EPS15: variants seen among roughly 807,000 people sequenced by gnomAD.
EPS15 encodes the protein epidermal growth factor receptor substrate 15.
EPS15 carries 72 observed loss-of-function variants against 113.8 expected under a neutral mutation model. The observed-to-expected ratio is 0.63, with a 90% CI of 0.52 to 0.77. EPS15 has a LOEUF of 0.77. Ranked by LOEUF, EPS15 falls within the 30% of genes least tolerant of loss-of-function variation. The probability of loss-of-function intolerance (pLI) is 0.00; values close to 1 mark genes in which losing one functional copy is unlikely to be tolerated. For missense variants in EPS15, 1,048 were observed against 1,045.8 expected (o/e 1.00, Z -0.03); for synonymous variants, 344 against 363.4 (o/e 0.95, Z 0.61).
intron 1 of EPS15, among the ~76,000 whole-genome samples, chr1:51,505,043 C>T (rs971967305): frequency 6.6e-5 from 10 of 151,776 alleles, no homozygotes; most frequent in African/African-American, 2.2e-4. Flanking sequence ...ATCGCTTAAC[C>T]GAGGAGGCAG....
chr1:51,508,053 G>A (rs1293223238), intron 1 of EPS15, among the ~76,000 whole-genome samples: 1 of 151,632 alleles, frequency 6.6e-6, no homozygotes, highest in African/African-American at 2.4e-5. Context: ...ATGGTGGTGT[G>A]CACCTGTAGT....
At chr1:51,479,046 G>C (rs1312678114) in intron 2 of EPS15, among the ~76,000 whole-genome samples, 1 of 152,204 alleles carries the variant, frequency 6.6e-6, no homozygotes, top group African/African-American at 2.4e-5. Context: ...ATATCCTGAA[G>C]AGTGTTTTCC....
intron 1 of EPS15, among the ~76,000 whole-genome samples, chr1:51,512,018 T>C (rs1272825629): frequency 6.6e-6 from 1 of 152,242 alleles, no homozygotes; most frequent in Non-Finnish European, 1.5e-5. Flanking sequence ...ATTGCACCTC[T>C]GATTCATTTG....
At chr1:51,411,327 TGA>T (rs1331412370) in intron 13 of EPS15, among the ~76,000 whole-genome samples, 2 of 152,092 alleles carry the variant, frequency 1.3e-5, no homozygotes, top group African/African-American at 4.8e-5. Context: ...CAATGATACT[TGA>T]GGAATTCGGA....
At chr1:51,431,676 C>A (rs2148463481) in intron 12 of EPS15, among the ~76,000 whole-genome samples, 1 of 152,084 alleles carries the variant, frequency 6.6e-6, no homozygotes, top group East Asian at 1.9e-4. Context: ...AAACTCCTGA[C>A]CCTCAGGTGA....
At chr1:51,412,823 C>CTGTT (rs1361653019) in intron 13 of EPS15, among the ~76,000 whole-genome samples, 1 of 152,336 alleles carries the variant, frequency 6.6e-6, no homozygotes, top group Admixed American at 6.5e-5. Context: ...TCTCTTTAAG[C>CTGTT]TGTTTACCAA....
intron 11 of EPS15, among the ~76,000 whole-genome samples, chr1:51,441,165 T>C (rs1224898716): frequency 6.6e-6 from 1 of 152,100 alleles, no homozygotes; most frequent in Non-Finnish European, 1.5e-5. Context: ...AGGGAAATAA[T>C]CTCTGCCTTG....
intron 1 of EPS15, among the ~76,000 whole-genome samples, chr1:51,487,481 C>T (rs1334205042): frequency 3.3e-5 from 5 of 152,036 alleles, no homozygotes; most frequent in Admixed American, 2.0e-4. Context: ...ATTTGTAGTA[C>T]CCCCTTTCAT....
At chr1:51,469,382 C>T (rs181093036) in intron 4 of EPS15, among the ~76,000 whole-genome samples, 90 of 152,122 alleles carry the variant, frequency 5.9e-4, no homozygotes, top group African/African-American at 2.0e-3. Flanking sequence ...AATTATGTAA[C>T]GGTTTAACTT....
intron 1 of EPS15, among the ~76,000 whole-genome samples, chr1:51,481,641 T>C (rs1041500267): frequency 1.3e-5 from 2 of 152,234 alleles, no homozygotes; most frequent in Admixed American, 6.5e-5. Flanking sequence ...CTAAAGCCAG[T>C]TGAGAGGCCC....
At position 51,461,124 on chromosome 1, in the gene EPS15, A is replaced by G. The variant is rs778404581; in HGVS notation, c.528T>C (p.His176=). ...ACTCATCTCTGTCAAGCATTCCATCATGGTCAATATCACTCAACTCCCAAA... is the reference window on the plus strand; with the variant it reads ...ACTCATCTCTGTCAAGCATTCCATCGTGGTCAATATCACTCAACTCCCAAA... The part of the protein sequence containing the change: ...GRVWELSDID[H]DGMLDRDEFA... The change falls in exon 8 of 25, where the codon CAT becomes CAC. Residue 176 remains histidine, a synonymous_variant. Transcript: ENST00000371733. The G allele has an allele frequency of 5.6e-6, 9 of 1,604,322 alleles. No homozygotes were observed. In the South Asian group the frequency reaches 8.8e-5, roughly 16 times the overall value.
intron 8 of EPS15, among the ~76,000 whole-genome samples, chr1:51,459,890 A>G (rs1654300042): frequency 6.6e-6 from 1 of 152,180 alleles, no homozygotes; most frequent in Non-Finnish European, 1.5e-5. Flanking sequence ...AAATGATTTC[A>G]ATATTAAAGA....
At chr1:51,443,285 T>A (rs995889325) in intron 11 of EPS15, among the ~76,000 whole-genome samples, 10 of 151,320 alleles carry the variant, frequency 6.6e-5, no homozygotes, top group African/African-American at 2.4e-4. Flanking sequence ...TTGAATAGGT[T>A]ATAAAATGAA....
At position 51,361,311 on chromosome 1, in the gene EPS15, G is replaced by C; in HGVS notation, c.2404C>G (p.Leu802Val). ...GGGAAAGGCTGAAATGGATCATTCAGTTTAAAGGGATCAGGAGAATCCAAT... is the reference window on the plus strand; with the variant it reads ...GGGAAAGGCTGAAATGGATCATTCACTTTAAAGGGATCAGGAGAATCCAAT... ...NKLDSPDPFKLNDPFQPFPGN... is the reference protein window; with the variant it reads ...NKLDSPDPFKVNDPFQPFPGN... The change falls in exon 24 of 25, where the codon CTG becomes GTG. Residue 802 changes from leucine to valine, a missense_variant. By Grantham distance (32) the Leu-to-Val change is conservative. Coordinates refer to ENST00000371733, the MANE Select transcript of EPS15 (RefSeq NM_001981.3). The C allele has an allele frequency of 6.2e-7, 1 of 1,613,898 alleles. No homozygotes were observed. Among genetic ancestry groups the C allele is most frequent in the East Asian group, 2.2e-5 (1 of 44,872 alleles).
intron 24 of EPS15, among the ~76,000 whole-genome samples, chr1:51,358,348 C>A (rs1224791477): frequency 6.6e-6 from 1 of 152,094 alleles, no homozygotes; most frequent in African/African-American, 2.4e-5. Context: ...ACTTTTAGAC[C>A]AGTCTAAATA....
At chr1:51,384,557 T>C (rs1570150340) in intron 21 of EPS15, among the ~76,000 whole-genome samples, 1 of 152,100 alleles carries the variant, frequency 6.6e-6, no homozygotes, top group East Asian at 1.9e-4. Context: ...AGGCTGGTCT[T>C]GAACTCCTGA....
rs779511515 is a variant in EPS15 at position 51,481,278 on chromosome 1, T to G, written c.70A>C (p.Arg24=). 1.5e-6 allele frequency: 2 copies of G among 1,366,504 alleles called. No individual in the cohort carries two copies. The allele number at this position is 1,366,504 out of a possible 1,614,324, so 84.6% of individuals were successfully genotyped here. A position where few individuals can be genotyped will look rare whatever the true frequency, so the allele number is the denominator to read the frequency against. ...SGNPVYEKYY[R]QVDTGNTGRV... ...CAATGAAACAAAAATCTTACCTGTC[T>G]ATAGTATTTTTCATATACAGGATTC... The change falls in exon 2 of 25, where the codon AGA becomes CGA. Residue 24 remains arginine (R), a synonymous_variant. Coordinates refer to ENST00000371733, the MANE Select transcript of EPS15 (RefSeq NM_001981.3).
intron 23 of EPS15, 82 bp downstream of exon 23, chr1:51,363,784 T>C: frequency 7.6e-7 from 1 of 1,314,648 alleles, no homozygotes; most frequent in Non-Finnish European, 1.0e-6. Flanking sequence ...TTAAAGCCAT[T>C]TATATAAGTA....
At chr1:51,363,829 C>T in intron 23 of EPS15, 37 bp downstream of exon 23, 1 of 1,570,108 alleles carries the variant, frequency 6.4e-7, no homozygotes, top group Non-Finnish European at 8.6e-7. Flanking sequence ...AGAGAAAAGC[C>T]ATGCAGTTGA....
Sources: allele counts gnomAD v4.1 joint callset (sites outside exome capture counted in the v4.1 genomes callset), GRCh38; gene constraint gnomAD v4.1.1; transcripts MANE v1.5; gene names NCBI Gene and HGNC (gene_info 2026-07-23, HGNC 2026-07-21).